The following RNLS variants were observed in gnomAD, a reference collection of about 807,000 sequenced individuals.
The protein encoded by RNLS is renalase, FAD dependent amine oxidase.
RNLS carries 39 observed loss-of-function variants against 39.8 expected under a neutral mutation model. That is an observed-to-expected ratio of 0.98 (90% CI 0.76 to 1.28). RNLS has a LOEUF of 1.28. Among genes scored for constraint, RNLS ranks in the 50% most tolerant of loss-of-function variants. The pLI, the probability that RNLS is intolerant of heterozygous loss-of-function variation, is 0.00. For missense variants in RNLS, 410 were observed against 413.3 expected, an observed-to-expected ratio of 0.99 and a Z score of 0.07; for synonymous variants, 147 against 150.7, an observed-to-expected ratio of 0.98 and a Z score of 0.18.
intron 4 of RNLS, among the ~76,000 whole-genome samples, chr10:88,447,325 CA>C (rs1220964444): frequency 6.6e-6 from 1 of 152,072 alleles, no homozygotes; most frequent in East Asian, 1.9e-4. Flanking sequence ...TCTCAGGATA[CA>C]AAATTAATGT....
the RNLS span, among the ~76,000 whole-genome samples, chr10:88,211,858 T>G: frequency 6.6e-6 from 1 of 152,180 alleles, no homozygotes; most frequent in African/African-American, 2.4e-5. Flanking sequence ...AACATCACTC[T>G]TGCTACCTTG....
At chr10:88,455,791 T>C (rs1478034627) in intron 4 of RNLS, among the ~76,000 whole-genome samples, 1 of 152,206 alleles carries the variant, frequency 6.6e-6, no homozygotes, top group Admixed American at 6.5e-5. Flanking sequence ...TTTACATTTC[T>C]GTTAGAAAAA....
chr10:88,577,772 A>G (rs529490837), intron 3 of RNLS, among the ~76,000 whole-genome samples: 1 of 152,218 alleles, frequency 6.6e-6, no homozygotes, highest in Non-Finnish European at 1.5e-5. Flanking sequence ...ATGTGAACAC[A>G]TCGGACAATA....
intron 4 of RNLS, among the ~76,000 whole-genome samples, chr10:88,415,480 T>C (rs12411841): frequency 0.062 from 9,446 of 152,282 alleles, 430 homozygotes; most frequent in African/African-American, 0.12. Context: ...AATGACTTTT[T>C]TCCCCCCTCA....
chr10:88,235,288 A>AG, the RNLS span, among the ~76,000 whole-genome samples: 23 of 150,320 alleles, frequency 1.5e-4, no homozygotes, highest in East Asian at 2.9e-3. Flanking sequence ...AAAAAAAAAA[A>AG]AAAGAAAGAA....
chr10:88,484,187 TA>T (rs1239610364), intron 4 of RNLS, among the ~76,000 whole-genome samples: 6 of 152,080 alleles, frequency 3.9e-5, no homozygotes, highest in Non-Finnish European at 2.9e-5. Context: ...AGGGTTTTAG[TA>T]ATAGCTTATT....
chr10:88,438,137 A>AC (rs1265179445), intron 4 of RNLS, among the ~76,000 whole-genome samples: 3 of 151,662 alleles, frequency 2.0e-5, no homozygotes. Context: ...AAAAAAAAAA[A>AC]AAAAGAAGCT....
chr10:88,474,197 A>G (rs1392319075), intron 4 of RNLS, among the ~76,000 whole-genome samples: 2 of 152,148 alleles, frequency 1.3e-5, no homozygotes, highest in Admixed American at 1.3e-4. Flanking sequence ...ATGAAGTTGA[A>G]TTGAGCAGAA....
the RNLS span, among the ~76,000 whole-genome samples, chr10:88,199,177 C>T: frequency 9.9e-5 from 15 of 152,134 alleles, no homozygotes; most frequent in South Asian, 6.2e-4. Flanking sequence ...TATGTCCCCA[C>T]GTCCTCCAAT....
chr10:88,505,754 A>T (rs775173702), intron 4 of RNLS, among the ~76,000 whole-genome samples: 1 of 152,112 alleles, frequency 6.6e-6, no homozygotes, highest in Non-Finnish European at 1.5e-5. Context: ...GAATCTTTAC[A>T]ACGGAGAGAT....
At chr10:88,445,316 A>C (rs1435321310) in intron 4 of RNLS, among the ~76,000 whole-genome samples, 2 of 152,250 alleles carry the variant, frequency 1.3e-5, no homozygotes, top group East Asian at 1.9e-4. Flanking sequence ...CTCCTGAAGG[A>C]AGCACTAAAC....
At chr10:88,448,406 T>C (rs1281117003) in intron 4 of RNLS, among the ~76,000 whole-genome samples, 1 of 152,064 alleles carries the variant, frequency 6.6e-6, no homozygotes, top group Admixed American at 6.5e-5. Context: ...AAAATGCTCA[T>C]CATCACTGGC....
At chr10:88,446,577 T>C (rs1219483015) in intron 4 of RNLS, among the ~76,000 whole-genome samples, 1 of 151,724 alleles carries the variant, frequency 6.6e-6, no homozygotes, top group African/African-American at 2.4e-5. Context: ...GTAAGACTAA[T>C]AAAGAAGAAA....
chr10:88,437,731 T>A (rs1841488991), intron 4 of RNLS, among the ~76,000 whole-genome samples: 1 of 152,150 alleles, frequency 6.6e-6, no homozygotes, highest in Admixed American at 6.5e-5. Context: ...GGTACTCTCA[T>A]CCCTAGTTCT....
intron 5 of RNLS, among the ~76,000 whole-genome samples, chr10:88,332,320 G>A (rs1847178178): frequency 6.6e-6 from 1 of 152,258 alleles, no homozygotes; most frequent in Admixed American, 6.5e-5. Context: ...TAATTGAAGA[G>A]TAAAGTTCTG....
At chr10:88,391,341 C>T (rs1480845627) in intron 4 of RNLS, among the ~76,000 whole-genome samples, 1 of 152,108 alleles carries the variant, frequency 6.6e-6, no homozygotes, top group African/African-American at 2.4e-5. Flanking sequence ...CGGTGGATCA[C>T]AAGGTCAAGA....
the RNLS span, among the ~76,000 whole-genome samples, chr10:88,263,810 T>C: frequency 6.6e-6 from 1 of 151,886 alleles, no homozygotes. Context: ...GGCAATGTCT[T>C]CTTCTTCTTC....
At chr10:88,522,122 G>T (rs1377944568) in intron 4 of RNLS, among the ~76,000 whole-genome samples, 3 of 151,996 alleles carry the variant, frequency 2.0e-5, no homozygotes, top group Admixed American at 6.6e-5. Context: ...CCCTGAAATG[G>T]GGCCAATGCA....
At chr10:88,214,304 A>T in the RNLS span, among the ~76,000 whole-genome samples, 7 of 152,202 alleles carry the variant, frequency 4.6e-5, no homozygotes, top group Admixed American at 4.6e-4. Flanking sequence ...CCCTAGATAC[A>T]GCAAAACAGA....
Sources: allele counts gnomAD v4.1 joint callset (sites outside exome capture counted in the v4.1 genomes callset), GRCh38; gene constraint gnomAD v4.1.1; transcripts MANE v1.5; gene names NCBI Gene and HGNC (gene_info 2026-07-23, HGNC 2026-07-21).